The following ZFHX3 variants were observed in gnomAD, a reference collection of about 807,000 sequenced individuals.
The protein encoded by ZFHX3 is zinc finger homeobox 3.
In ZFHX3, 42 loss-of-function variants were observed where a neutral mutation model predicts 279.1. The ratio of observed to expected loss-of-function variants is 0.15; its 90% CI spans 0.12 to 0.19. ZFHX3 has a LOEUF of 0.19. Ranked by LOEUF, ZFHX3 falls within the 10% of genes least tolerant of loss-of-function variation. The pLI is 1.00. For missense variants in ZFHX3, 4,981 were observed against 4,754.0 expected, an observed-to-expected ratio of 1.05 and a Z score of -1.40; for synonymous variants, 2,293 against 1,957.8, an observed-to-expected ratio of 1.17 and a Z score of -4.52.
At chr16:72,817,465 T>C (rs2036644418) in intron 5 of ZFHX3, among the ~76,000 whole-genome samples, 2 of 152,162 alleles carry the variant, frequency 1.3e-5, no homozygotes, top group South Asian at 4.1e-4. Flanking sequence ...ACATGGAACC[T>C]TAAGGTCCCT....
At chr16:72,970,520 C>T (rs1597035422) in intron 1 of ZFHX3, among the ~76,000 whole-genome samples, 1 of 152,206 alleles carries the variant, frequency 6.6e-6, no homozygotes, top group African/African-American at 2.4e-5. Flanking sequence ...CCATAGAGCA[C>T]GGATCCCCTC....
chr16:73,281,375 G>C (rs1366885444), intron 4 of ZFHX3, among the ~76,000 whole-genome samples: 1 of 152,182 alleles, frequency 6.6e-6, no homozygotes, highest in Admixed American at 6.5e-5. Context: ...AAATAAGCCT[G>C]ACACAGATAG....
intron 3 of ZFHX3, among the ~76,000 whole-genome samples, chr16:73,348,358 C>T (rs1171854115): frequency 6.6e-6 from 1 of 152,230 alleles, no homozygotes. Flanking sequence ...TGTTAATCAC[C>T]TCTCTGGCAA....
Position 72,787,445 on chromosome 16 carries a change from G to T in ZFHX3, c.10831C>A (p.His3611Asn), listed in dbSNP as rs200992486. The change falls in exon 10 of 10, where the codon CAC becomes AAC. Residue 3611 changes from histidine to asparagine, a missense_variant. By Grantham distance (68) the His-to-Asn change is moderately conservative. This residue lies in a region of ZFHX3 where 1,034 missense variants were observed against 786.0 expected (regional missense o/e 1.32). Coordinates refer to ENST00000268489, the MANE Select transcript of ZFHX3 (RefSeq NM_006885.4). ...SAAAPSSASP[H>N]ASRKSWPQVV... ...TGCGGCCAAGACTTCCTGGAGGCGTGGGGGGAAGCGGAGGAGGGGGCGGCG... is the reference window on the plus strand; with the variant it reads ...TGCGGCCAAGACTTCCTGGAGGCGTTGGGGGAAGCGGAGGAGGGGGCGGCG... 8.7e-6 allele frequency: 14 copies of T among 1,603,978 alleles called. No individual in the cohort carries two copies. The highest frequency in any genetic ancestry group is 1.7e-4 in the Middle Eastern group (1 of 5,990).
chr16:73,711,256 G>A (rs1434408293), intron 1 of ZFHX3, among the ~76,000 whole-genome samples: 1 of 150,710 alleles, frequency 6.6e-6, no homozygotes, highest in Non-Finnish European at 1.5e-5. Flanking sequence ...CCAGAGAGGT[G>A]GGCCAAAAAA....
intron 4 of ZFHX3, among the ~76,000 whole-genome samples, chr16:72,835,974 A>G (rs1394755820): frequency 6.6e-6 from 1 of 152,242 alleles, no homozygotes; most frequent in Non-Finnish European, 1.5e-5. Context: ...ACAATATAAA[A>G]GATGACTACT....
chr16:73,383,103 T>C (rs1043515231), intron 3 of ZFHX3, among the ~76,000 whole-genome samples: 2 of 151,792 alleles, frequency 1.3e-5, no homozygotes, highest in African/African-American at 4.8e-5. Context: ...GAGGAGGGGG[T>C]TGCACTGAAT....
At chr16:73,213,018 T>G (rs1357665689) in intron 5 of ZFHX3, among the ~76,000 whole-genome samples, 1 of 152,240 alleles carries the variant, frequency 6.6e-6, no homozygotes, top group Admixed American at 6.5e-5. Flanking sequence ...CTTGACTCTT[T>G]TTGACTATTT....
chr16:73,061,444 A>C (rs1185162671), upstream of ZFHX3: 1 of 151,468 alleles, frequency 6.6e-6, no homozygotes, highest in African/African-American at 2.4e-5. Flanking sequence ...CTGTGATTAA[A>C]TAAATATTTA....
intron 1 of ZFHX3, among the ~76,000 whole-genome samples, chr16:72,974,535 A>C (rs528698279): frequency 1.3e-5 from 2 of 151,602 alleles, no homozygotes; most frequent in Admixed American, 1.3e-4. Context: ...CAAAACAAAC[A>C]AGGATTGCCC....
At chr16:72,853,295 A>G (rs953876452) in intron 4 of ZFHX3, among the ~76,000 whole-genome samples, 2 of 152,236 alleles carry the variant, frequency 1.3e-5, no homozygotes, top group Non-Finnish European at 2.9e-5. Flanking sequence ...ACCAAACACA[A>G]TAAGAAATCA....
chr16:73,824,076 C>T (rs577311779), intron 1 of ZFHX3, among the ~76,000 whole-genome samples: 41 of 152,238 alleles, frequency 2.7e-4, no homozygotes, highest in African/African-American at 8.4e-4. Context: ...TAAACGAAAA[C>T]GATGTGCTCA....
chr16:73,262,033 A>G (rs775521790), intron 4 of ZFHX3, among the ~76,000 whole-genome samples: 5 of 152,202 alleles, frequency 3.3e-5, no homozygotes, highest in Non-Finnish European at 5.9e-5. Flanking sequence ...AACATCACTA[A>G]CCCATATAGC....
chr16:73,833,292 G>A (rs1961048877), intron 1 of ZFHX3, among the ~76,000 whole-genome samples: 1 of 152,118 alleles, frequency 6.6e-6, no homozygotes, highest in South Asian at 2.1e-4. Flanking sequence ...GAGCTCAGGA[G>A]TTTGAGGCTG....
intron 3 of ZFHX3, among the ~76,000 whole-genome samples, chr16:72,924,383 G>A (rs1253683572): frequency 6.6e-6 from 1 of 152,192 alleles, no homozygotes; most frequent in African/African-American, 2.4e-5. Context: ...AAAACTACAA[G>A]AGGAGGTAAG....
chr16:73,850,624 A>G (rs1961570804), intron 1 of ZFHX3, among the ~76,000 whole-genome samples: 1 of 152,182 alleles, frequency 6.6e-6, no homozygotes, highest in African/African-American at 2.4e-5. Flanking sequence ...TCTGGGGCAT[A>G]AATTGCCTGT....
chr16:72,883,373 A>T (rs1453769421), intron 4 of ZFHX3, among the ~76,000 whole-genome samples: 1 of 152,176 alleles, frequency 6.6e-6, no homozygotes, highest in African/African-American at 2.4e-5. Context: ...ACTTCTTCGT[A>T]GCCTGTTAGT....
At chr16:73,578,114 T>C (rs1043516480) in intron 2 of ZFHX3, among the ~76,000 whole-genome samples, 2 of 152,206 alleles carry the variant, frequency 1.3e-5, no homozygotes, top group African/African-American at 2.4e-5. Context: ...CTCAGATTCA[T>C]AGGATGCTGC....
In ZFHX3 at chr16:72,958,724, C is replaced by T. The variant is rs1961392885; in HGVS notation, c.1422G>A (p.Glu474=). The T allele has an allele frequency of 3.1e-6, 5 of 1,613,502 alleles. No homozygotes were observed. The highest frequency in any genetic ancestry group is 1.7e-5 in the Admixed American group (1 of 60,006). ...CTTCCTCCTCCTCTTCTTCCTCCTCCTCCTCCGCCTCTTCCTCCTCCTCTT... is the reference window on the plus strand; with the variant it reads ...CTTCCTCCTCCTCTTCTTCCTCCTCTTCCTCCGCCTCTTCCTCCTCCTCTT... The part of the protein sequence containing the change: ...EEEEEEEEAE[E]EEEEEEEEEE... Residue 474 remains glutamate (E), a synonymous_variant, in exon 2 of 10, where the codon GAG becomes GAA. Coordinates refer to ENST00000268489, the MANE Select transcript of ZFHX3 (RefSeq NM_006885.4).
Sources: gnomAD v4.1 joint callset for allele counts (sites outside exome capture counted in the v4.1 genomes callset) on GRCh38, gnomAD v4.1.1 for gene constraint, gnomAD v4.1.1 regional missense constraint, MANE v1.5 for transcripts, NCBI Gene and HGNC (gene_info 2026-07-23, HGNC 2026-07-21) for gene names.